NCOA2: variants seen among roughly 807,000 people sequenced by gnomAD.
NCOA2 encodes nuclear receptor coactivator 2, also known as class E basic helix-loop-helix protein 75.
NCOA2 carries 21 observed loss-of-function variants against 145.1 expected under a neutral mutation model. That is an observed-to-expected ratio of 0.14 (90% CI 0.10 to 0.21). NCOA2 has a LOEUF of 0.21. Among genes scored for constraint, NCOA2 ranks in the 10% least tolerant of loss-of-function variants. The pLI is 1.00. For missense variants in NCOA2, 1,472 were observed against 1,837.6 expected, an observed-to-expected ratio of 0.80 and a Z score of 3.64; for synonymous variants, 619 against 637.5, an observed-to-expected ratio of 0.97 and a Z score of 0.44.
intron 4 of NCOA2, among the ~76,000 whole-genome samples, chr8:70,179,350 G>C (rs1199985187): frequency 6.6e-6 from 1 of 152,088 alleles, no homozygotes; most frequent in Non-Finnish European, 1.5e-5. Flanking sequence ...ATGTTATTTG[G>C]GTACTTTTCA....
Position 70,163,581 on chromosome 8 carries a change from G to A in NCOA2, c.731-15C>T, listed in dbSNP as rs761890314. 1.3e-6 allele frequency: 2 copies of A among 1,599,322 alleles called. No individual in the cohort carries two copies. Among genetic ancestry groups the A allele is most frequent in the South Asian group, 1.1e-5 (1 of 90,494 alleles). On this transcript the variant is annotated splice_polypyrimidine_tract_variant and intron_variant, in intron 7 of 22. Transcript: ENST00000452400. ...GGACTGCAAATCTTAAACCACACATGTTTACATTTATCATATTGGGCTTTT... is the reference window on the plus strand; with the variant it reads ...GGACTGCAAATCTTAAACCACACATATTTACATTTATCATATTGGGCTTTT...
chr8:70,186,293 AAC>A (rs1816063401), intron 4 of NCOA2, among the ~76,000 whole-genome samples: 1 of 152,202 alleles, frequency 6.6e-6, no homozygotes, highest in African/African-American at 2.4e-5. Flanking sequence ...ATCATATAGA[AAC>A]AGATTCTGTT....
At chr8:70,232,870 T>TACAC (rs71275059) in intron 2 of NCOA2, among the ~76,000 whole-genome samples, 35 of 145,340 alleles carry the variant, frequency 2.4e-4, no homozygotes, top group South Asian at 2.0e-3. Context: ...ATTTAGAATT[T>TACAC]ACACACACAC....
chr8:70,174,002 G>A (rs1814550953), intron 5 of NCOA2, among the ~76,000 whole-genome samples: 2 of 152,136 alleles, frequency 1.3e-5, no homozygotes, highest in Non-Finnish European at 2.9e-5. Context: ...CATCAGCCGA[G>A]CAAATTATCC....
intron 1 of NCOA2, among the ~76,000 whole-genome samples, chr8:70,357,084 T>C (rs1316907455): frequency 6.6e-6 from 1 of 152,224 alleles, no homozygotes; most frequent in Admixed American, 6.5e-5. Context: ...GCTTGCTTAA[T>C]GAGTTCCGCC....
chr8:70,255,528 T>C (rs1434203614), intron 2 of NCOA2, among the ~76,000 whole-genome samples: 3 of 152,218 alleles, frequency 2.0e-5, no homozygotes, highest in Admixed American at 6.5e-5. Context: ...AATATGTACA[T>C]ACCAATTCAA....
intron 15 of NCOA2, among the ~76,000 whole-genome samples, chr8:70,136,781 A>G (rs1453978281): frequency 6.6e-6 from 1 of 152,244 alleles, no homozygotes; most frequent in Non-Finnish European, 1.5e-5. Context: ...ATTTCAAAAG[A>G]GAGACATGGT....
intron 2 of NCOA2, among the ~76,000 whole-genome samples, chr8:70,225,180 G>A (rs1479011385): frequency 1.3e-5 from 2 of 152,164 alleles, no homozygotes; most frequent in Non-Finnish European, 2.9e-5. Context: ...ATTCTAACAG[G>A]AAAGTAGGGA....
intron 2 of NCOA2, among the ~76,000 whole-genome samples, chr8:70,251,608 A>T (rs1361855936): frequency 6.6e-6 from 1 of 152,248 alleles, no homozygotes; most frequent in Non-Finnish European, 1.5e-5. Flanking sequence ...ACCAGAGTTA[A>T]TGAGAACCCT....
At position 70,267,392 on chromosome 8, in the gene NCOA2, G is replaced by GTT. The variant is rs34028372; in HGVS notation, c.-20+29350_-20+29351dup. ...GCTAATAAAGATCTGTTTCCTTTCTGTTTTTTTTTTTTTTTTTTTTCCTTT... is the reference window on the plus strand; with the variant it reads ...GCTAATAAAGATCTGTTTCCTTTCTGTTTTTTTTTTTTTTTTTTTTTTCCTTT... On this transcript the variant is annotated intron_variant, in intron 2 of 22. Coordinates refer to ENST00000452400, the MANE Select transcript of NCOA2 (RefSeq NM_006540.4). Among the ~76,000 whole-genome samples the GTT allele has an allele frequency of 4.9e-5, 5 of 102,480 alleles. No individual in the cohort carries two copies. The South Asian group carries it at 1.2e-3, about 26-fold the overall frequency. 67.2% of individuals were successfully genotyped at this position (102,480 alleles called of 152,430 possible). A position where few individuals can be genotyped will look rare whatever the true frequency, so the allele number is the denominator to read the frequency against.
At chr8:70,370,165 G>A (rs1046136020) in intron 1 of NCOA2, among the ~76,000 whole-genome samples, 3 of 152,116 alleles carry the variant, frequency 2.0e-5, no homozygotes, top group African/African-American at 7.2e-5. Context: ...GATTACAGCT[G>A]TGAACCACCG....
chr8:70,123,962 G>A lies in NCOA2; in HGVS notation c.4215C>T (p.Asn1405=). 1 of 1,613,990 alleles carries A rather than the reference G, an allele frequency of 6.2e-7. No homozygotes were observed. Among genetic ancestry groups the A allele is most frequent in the Non-Finnish European group, 8.5e-7 (1 of 1,179,882 alleles). ...ATNTGGMSSM[N]QMTGQISMTS... is the part of the protein sequence containing the mutation. Reference sequence around the variant, plus strand: ...TCATGCTGATCTGTCCTGTCATCTGGTTCATGCTGCTCATGCCACCTGTGT... The same window carrying A: ...TCATGCTGATCTGTCCTGTCATCTGATTCATGCTGCTCATGCCACCTGTGT... Residue 1405 remains asparagine (N), a synonymous_variant, in exon 21 of 23, where the codon AAC becomes AAT. Transcript: ENST00000452400.
intron 1 of NCOA2, among the ~76,000 whole-genome samples, chr8:70,305,572 G>C (rs1586434532): frequency 1.3e-5 from 2 of 152,152 alleles, no homozygotes; most frequent in Non-Finnish European, 2.9e-5. Context: ...CACAGGACCT[G>C]TATTTTTACT....
Position 70,355,204 on chromosome 8 carries a change from CAGA to C in NCOA2, c.-77+48493_-77+48495del, listed in dbSNP as rs200801060. Among the ~76,000 whole-genome samples the C allele has an allele frequency of 6.6e-5, 10 of 152,294 alleles. No homozygotes were observed. The East Asian group carries it at 1.5e-3, about 24-fold the overall frequency. On this transcript the variant is annotated intron_variant, in intron 1 of 22. Transcript: ENST00000452400. ...TCAGCCATGCTCAGTATGAAGAACA[CAGA>C]AGAACATTCAAAACCAGAAGACAGT...
At chr8:70,129,910 T>A (rs1808894914) in intron 16 of NCOA2, among the ~76,000 whole-genome samples, 1 of 152,210 alleles carries the variant, frequency 6.6e-6, no homozygotes. Context: ...CCTCAGGTGA[T>A]CTGCCCGTTT....
intron 1 of NCOA2, among the ~76,000 whole-genome samples, chr8:70,307,714 A>G (rs552067302): frequency 8.3e-4 from 126 of 152,350 alleles, no homozygotes; most frequent in African/African-American, 3.0e-3. Flanking sequence ...TATTTGAAAC[A>G]TCTTCACACA....
At chr8:70,216,887 C>G in intron 2 of NCOA2, 123 bp from the exon 3 acceptor site, 1 of 640,684 alleles carries the variant, frequency 1.6e-6, no homozygotes, top group East Asian at 2.6e-5. Context: ...CAGTAATTAA[C>G]ATTGTTTTAT....
At chr8:70,268,703 G>C (rs184259673) in intron 2 of NCOA2, among the ~76,000 whole-genome samples, 1 of 152,016 alleles carries the variant, frequency 6.6e-6, no homozygotes, top group African/African-American at 2.4e-5. Flanking sequence ...TGCTTCACGG[G>C]TTTTTATTAA....
chr8:70,278,794 C>T (rs1211688964), intron 2 of NCOA2, among the ~76,000 whole-genome samples: 4 of 151,866 alleles, frequency 2.6e-5, no homozygotes, highest in African/African-American at 7.3e-5. Context: ...GGCAAAACCC[C>T]GTCTCTACCA....
Sources: gnomAD v4.1 joint callset for allele counts (sites outside exome capture counted in the v4.1 genomes callset) on GRCh38, gnomAD v4.1.1 for gene constraint, MANE v1.5 for transcripts, NCBI Gene and HGNC (gene_info 2026-07-23, HGNC 2026-07-21) for gene names.